Variants in SCHIP1 observed in about 807,000 individuals in gnomAD.
The protein encoded by SCHIP1 is schwannomin interacting protein 1, also known as schwannomin-interacting protein 1.
SCHIP1 carries 8 observed loss-of-function variants against 29.7 expected under a neutral mutation model. The observed-to-expected ratio is 0.27, with a 90% CI of 0.16 to 0.49. The LOEUF (loss-of-function observed/expected upper bound fraction) is 0.49, where lower values mean the gene tolerates loss of function less well. Among genes scored for constraint, SCHIP1 ranks in the 20% least tolerant of loss-of-function variants. The probability of loss-of-function intolerance (pLI) is 0.99; values close to 1 mark genes in which losing one functional copy is unlikely to be tolerated. For missense variants in SCHIP1, 193 were observed against 294.6 expected, an observed-to-expected ratio of 0.66 and a Z score of 2.52; for synonymous variants, 76 against 94.9, an observed-to-expected ratio of 0.80 and a Z score of 1.16.
At chr3:159,423,993 G>C in the SCHIP1 span, among the ~76,000 whole-genome samples, 1 of 150,766 alleles carries the variant, frequency 6.6e-6, no homozygotes, top group Non-Finnish European at 1.5e-5. Flanking sequence ...ACTTGCATTT[G>C]AGGGTCCTGT....
chr3:159,405,141 T>C, the SCHIP1 span, among the ~76,000 whole-genome samples: 1 of 152,104 alleles, frequency 6.6e-6, no homozygotes, highest in African/African-American at 2.4e-5. Context: ...TCAAGTGTCT[T>C]TGAACACCCG....
the SCHIP1 span, among the ~76,000 whole-genome samples, chr3:159,516,519 A>G: frequency 1.3e-5 from 2 of 152,134 alleles, no homozygotes; most frequent in South Asian, 4.2e-4. Flanking sequence ...TCAATATGAA[A>G]CTGCCCTCTA....
the SCHIP1 span, among the ~76,000 whole-genome samples, chr3:159,678,868 T>C: frequency 1.3e-5 from 2 of 152,172 alleles, no homozygotes; most frequent in African/African-American, 2.4e-5. Context: ...TATAAAACCA[T>C]TAGATCTCGT....
the SCHIP1 span, among the ~76,000 whole-genome samples, chr3:159,477,919 T>TG: frequency 1.8e-5 from 2 of 108,404 alleles, no homozygotes; most frequent in African/African-American, 3.4e-5. Flanking sequence ...TCATTTTAAA[T>TG]CTTTTTTTTT....
chr3:159,841,451 C>T (rs1744210600), intron 1 of SCHIP1, among the ~76,000 whole-genome samples: 1 of 152,134 alleles, frequency 6.6e-6, no homozygotes, highest in Non-Finnish European at 1.5e-5. Context: ...GTCACTTACA[C>T]ATAATACAGA....
chr3:159,721,803 T>A, the SCHIP1 span: 1 of 429,294 alleles, frequency 2.3e-6, no homozygotes, highest in Admixed American at 2.8e-5. Flanking sequence ...GGCTTTGGCA[T>A]CCTCCATGGA....
At chr3:159,492,233 G>A in the SCHIP1 span, among the ~76,000 whole-genome samples, 12 of 152,294 alleles carry the variant, frequency 7.9e-5, no homozygotes, top group African/African-American at 1.4e-4. Context: ...TAGCAGCAAC[G>A]GAACAAAGCT....
At chr3:159,400,259 T>C in the SCHIP1 span, among the ~76,000 whole-genome samples, 1 of 152,232 alleles carries the variant, frequency 6.6e-6, no homozygotes, top group Admixed American at 6.5e-5. Context: ...ACATGATTGT[T>C]ACTTGTGAGA....
the SCHIP1 span, among the ~76,000 whole-genome samples, chr3:159,825,971 A>G: frequency 6.6e-6 from 1 of 152,178 alleles, no homozygotes; most frequent in African/African-American, 2.4e-5. Flanking sequence ...AAAGGCCACC[A>G]GTGTGCCTAG....
chr3:159,605,044 G>A, the SCHIP1 span, among the ~76,000 whole-genome samples: 2 of 152,096 alleles, frequency 1.3e-5, no homozygotes, highest in Non-Finnish European at 2.9e-5. Flanking sequence ...AATAATCAAG[G>A]GACGTGAGAT....
At chr3:159,603,392 A>C in the SCHIP1 span, among the ~76,000 whole-genome samples, 1 of 152,130 alleles carries the variant, frequency 6.6e-6, no homozygotes, top group Admixed American at 6.6e-5. Context: ...CTTAACCTTC[A>C]AACTCTCTTC....
At chr3:159,759,325 G>A in the SCHIP1 span, among the ~76,000 whole-genome samples, 3 of 152,170 alleles carry the variant, frequency 2.0e-5, no homozygotes, top group African/African-American at 7.2e-5. Flanking sequence ...ATCCAAGAAG[G>A]CCAACCTGTC....
At chr3:159,386,414 G>A in the SCHIP1 span, among the ~76,000 whole-genome samples, 66,341 of 152,036 alleles carry the variant, frequency 0.44, 15,790 homozygotes, top group African/African-American at 0.64. Flanking sequence ...TTCCACGCTC[G>A]TGGATACACG....
chr3:159,647,394 A>G, the SCHIP1 span, among the ~76,000 whole-genome samples: 1 of 152,162 alleles, frequency 6.6e-6, no homozygotes, highest in Admixed American at 6.5e-5. Context: ...ATACTCTTTC[A>G]AGAATCTTGT....
chr3:159,693,554 C>T, the SCHIP1 span, among the ~76,000 whole-genome samples: 14 of 152,132 alleles, frequency 9.2e-5, no homozygotes, highest in Admixed American at 6.5e-5. Context: ...AGTATAGTGT[C>T]TCTTTCAGCT....
At chr3:159,584,876 C>T in the SCHIP1 span, among the ~76,000 whole-genome samples, 1 of 152,002 alleles carries the variant, frequency 6.6e-6, no homozygotes. Flanking sequence ...CTCACTCAGC[C>T]CTAACCACAC....
chr3:159,425,249 A>G, the SCHIP1 span, among the ~76,000 whole-genome samples: 1 of 152,204 alleles, frequency 6.6e-6, no homozygotes, highest in African/African-American at 2.4e-5. Context: ...AGACTGGCAA[A>G]TTGGATAAAG....
At chr3:159,813,427 C>T in the SCHIP1 span, among the ~76,000 whole-genome samples, 3 of 152,180 alleles carry the variant, frequency 2.0e-5, no homozygotes, top group African/African-American at 7.2e-5. Context: ...CCTGTAACCC[C>T]AGCACTTAGG....
chr3:159,806,829 A>G, the SCHIP1 span, among the ~76,000 whole-genome samples: 1 of 152,174 alleles, frequency 6.6e-6, no homozygotes, highest in Non-Finnish European at 1.5e-5. Context: ...AGAGGAGGAG[A>G]AAAATGGGCA....
Sources: gnomAD v4.1 joint callset for allele counts (sites outside exome capture counted in the v4.1 genomes callset) on GRCh38, gnomAD v4.1.1 for gene constraint, MANE v1.5 for transcripts, NCBI Gene and HGNC (gene_info 2026-07-23, HGNC 2026-07-21) for gene names.